SPATA45: variants seen among roughly 807,000 people sequenced by gnomAD.
SPATA45 encodes spermatogenesis associated 45.
Under a neutral mutation model 7.0 loss-of-function variants are expected in SPATA45, and 5 were observed. The ratio of observed to expected loss-of-function variants is 0.71; its 90% CI spans 0.37 to 1.50. The LOEUF (loss-of-function observed/expected upper bound fraction) is 1.50. SPATA45 is among the 40% of genes most tolerant of loss of function. SPATA45 has a pLI of 0.03. For missense variants in SPATA45, 111 were observed against 114.9 expected, an observed-to-expected ratio of 0.97 and a Z score of 0.16; for synonymous variants, 40 against 38.7, an observed-to-expected ratio of 1.03 and a Z score of -0.13.
At chr1:212,843,581 C>G (rs75313819) in intron 1 of SPATA45, among the ~76,000 whole-genome samples, 1 of 152,088 alleles carries the variant, frequency 6.6e-6, no homozygotes, top group Non-Finnish European at 1.5e-5. Context: ...ATGCTGGACC[C>G]TTTATTAACA....
At chr1:212,832,015 C>CCTT (rs777159076) in intron 2 of SPATA45, among the ~76,000 whole-genome samples, 1 of 93,558 alleles carries the variant, frequency 1.1e-5, no homozygotes, top group South Asian at 4.0e-4. Context: ...CATTTACTTC[C>CCTT]TTTTTTTTTT....
intron 2 of SPATA45, among the ~76,000 whole-genome samples, chr1:212,831,937 T>C (rs1438830306): frequency 6.7e-6 from 1 of 149,992 alleles, no homozygotes; most frequent in Non-Finnish European, 1.5e-5. Flanking sequence ...ATCCAACACT[T>C]CCTATCCCCC....
chr1:212,831,391 C>T (rs1315026584), intron 2 of SPATA45, among the ~76,000 whole-genome samples: 1 of 149,684 alleles, frequency 6.7e-6, no homozygotes, highest in East Asian at 2.0e-4. Context: ...GAGGATCGCT[C>T]GAGCCCAGGA....
intron 1 of SPATA45, among the ~76,000 whole-genome samples, chr1:212,843,697 C>T (rs1663736542): frequency 6.6e-6 from 1 of 152,206 alleles, no homozygotes; most frequent in Non-Finnish European, 1.5e-5. Context: ...GCCTGTGAAA[C>T]TGGTCCTGTG....
At chr1:212,840,668 A>C (rs1274585526) in intron 1 of SPATA45, among the ~76,000 whole-genome samples, 1 of 151,984 alleles carries the variant, frequency 6.6e-6, no homozygotes, top group Non-Finnish European at 1.5e-5. Context: ...CCCAAGCTGG[A>C]GTGCAGGGGC....
intron 1 of SPATA45, 125 bp from the exon 2 acceptor site, chr1:212,836,312 C>A: frequency 1.4e-6 from 1 of 694,884 alleles, no homozygotes. Flanking sequence ...ACCAAGCCTC[C>A]CACCCCACGC....
chr1:212,830,271 T>G lies in SPATA45; in HGVS notation c.278-10A>C. 2 of 1,463,920 alleles carry G rather than the reference T, an allele frequency of 1.4e-6. No homozygotes were observed. Among genetic ancestry groups the G allele is most frequent in the Non-Finnish European group, 1.9e-6 (2 of 1,059,852 alleles). The allele number at this position is 1,463,920 out of a possible 1,614,324, so 90.7% of individuals were successfully genotyped here. On this transcript the variant is annotated splice_polypyrimidine_tract_variant and intron_variant, in intron 2 of 2. Coordinates refer to ENST00000332912, the MANE Select transcript of SPATA45 (RefSeq NM_001024601.3). ...CCAAATATGGCATTATCTGAAAAAA[T>G]AAAAAATAAAAAGTATTTGTTATAT...
rs376290317 is a variant in SPATA45 at position 212,835,780 on chromosome 1, G to A, written c.277+93C>T. On this transcript the variant is annotated intron_variant, in intron 2 of 2. Coordinates refer to ENST00000332912, the MANE Select transcript of SPATA45 (RefSeq NM_001024601.3). ...GAACCCGGGAGGTGGAGGTTGCAGT[G>A]AGCTGAGATCGCGCCACTGCACTCC... is the stretch of plus-strand genomic sequence containing the variant. The A allele has an allele frequency of 9.5e-4, 1,063 of 1,123,848 alleles. 9 individuals are homozygous for A. In the African/African-American group the frequency reaches 0.017, roughly 18 times the overall value. 69.6% of individuals were successfully genotyped at this position (1,123,848 alleles called of 1,614,324 possible).
chr1:212,843,093 TCAAACATACACA>T (rs1443799427), intron 1 of SPATA45, among the ~76,000 whole-genome samples: 60 of 80,050 alleles, frequency 7.5e-4, no homozygotes, highest in Non-Finnish European at 1.3e-3. Flanking sequence ...CAAGACTCCG[TCAAACATACACA>T]CACACACACA....
intron 1 of SPATA45, among the ~76,000 whole-genome samples, chr1:212,840,763 G>C (rs1167193104): frequency 6.6e-6 from 1 of 151,544 alleles, no homozygotes; most frequent in Non-Finnish European, 1.5e-5. Context: ...GACTACAGGC[G>C]TCCGCCACCA....
intron 1 of SPATA45, among the ~76,000 whole-genome samples, chr1:212,841,629 T>A (rs1480487318): frequency 8.5e-6 from 1 of 117,296 alleles, no homozygotes; most frequent in Non-Finnish European, 1.8e-5. Flanking sequence ...AGAGGTATCT[T>A]TCTTTTTTTT....
chr1:212,839,615 G>A (rs1663644017), intron 1 of SPATA45, among the ~76,000 whole-genome samples: 2 of 75,216 alleles, frequency 2.7e-5, no homozygotes, highest in Admixed American at 1.0e-4. Flanking sequence ...AAGACCCTAT[G>A]TCAAAAAAAA....
At chr1:212,844,077 A>G (rs531559576) in intron 1 of SPATA45, among the ~76,000 whole-genome samples, 20 of 152,266 alleles carry the variant, frequency 1.3e-4, no homozygotes, top group Middle Eastern at 6.8e-3. Flanking sequence ...CATTACACAC[A>G]GCCAAAGTGC....
intron 2 of SPATA45, among the ~76,000 whole-genome samples, chr1:212,832,359 CTTTT>C (rs34934655): frequency 8.7e-5 from 5 of 57,172 alleles, no homozygotes; most frequent in Non-Finnish European, 9.5e-5. Context: ...GAAATCTAAG[CTTTT>C]TTTTTTTTTT....
intron 1 of SPATA45, among the ~76,000 whole-genome samples, chr1:212,839,617 C>CAA (rs35037485): frequency 3.6e-5 from 5 of 137,958 alleles, no homozygotes; most frequent in Admixed American, 7.5e-5. Context: ...GACCCTATGT[C>CAA]AAAAAAAAAA....
chr1:212,830,588 G>C (rs893878310), intron 2 of SPATA45, among the ~76,000 whole-genome samples: 2 of 149,922 alleles, frequency 1.3e-5, no homozygotes, highest in Non-Finnish European at 3.0e-5. Context: ...AAGAGAATCG[G>C]TTGAACCCAG....
At chr1:212,841,165 TTC>T (rs1491272073) in intron 1 of SPATA45, among the ~76,000 whole-genome samples, 9 of 148,244 alleles carry the variant, frequency 6.1e-5, no homozygotes, top group African/African-American at 1.8e-4. Context: ...TCCTTTTTTT[TTC>T]TTTTCTTTTG....
At chr1:212,844,268 A>G (rs1277965150) in intron 1 of SPATA45, among the ~76,000 whole-genome samples, 1 of 152,070 alleles carries the variant, frequency 6.6e-6, no homozygotes. Context: ...CTTACTCTCT[A>G]CAGTTCCCAT....
At chr1:212,834,901 A>G (rs762926777) in intron 2 of SPATA45, among the ~76,000 whole-genome samples, 1 of 151,776 alleles carries the variant, frequency 6.6e-6, no homozygotes, top group African/African-American at 2.4e-5. Flanking sequence ...TGTAACTATT[A>G]TAACAACTCT....
Sources: allele counts gnomAD v4.1 joint callset (sites outside exome capture counted in the v4.1 genomes callset), GRCh38; gene constraint gnomAD v4.1.1; transcripts MANE v1.5; gene names NCBI Gene and HGNC (gene_info 2026-07-23, HGNC 2026-07-21).